Variants in NSMCE2 observed in about 807,000 individuals in gnomAD.
NSMCE2 encodes the protein NSE2 SUMO ligase component of SMC5/6 complex.
A neutral mutation model predicts 23.8 loss-of-function variants in NSMCE2; 24 were observed. The observed-to-expected ratio is 1.01, with a 90% confidence interval of 0.73 to 1.42. NSMCE2 has a LOEUF of 1.42. Ranked by LOEUF, NSMCE2 falls within the 40% of genes most tolerant of loss-of-function variation. The probability of loss-of-function intolerance (pLI) is 0.00; values close to 1 mark genes in which losing one functional copy is unlikely to be tolerated. For missense variants in NSMCE2, 284 were observed against 296.5 expected (o/e 0.96, Z 0.31); for synonymous variants, 92 against 94.1 (o/e 0.98, Z 0.13).
rs192164261 is a variant in NSMCE2, at chr8:125,246,451, G to A, written c.418+64195G>A. Among the ~76,000 whole-genome samples, 16 of 152,200 alleles carry A rather than the reference G, an allele frequency of 1.1e-4. No homozygotes were observed. In the East Asian group the frequency reaches 3.1e-3, roughly 29 times the overall value. Reference sequence around the variant, plus strand: ...CCCGCCTCCTCCTCCCAAAGTGCTAGGATTACAGGTGTGAGCCACCATGCC... The same window carrying A: ...CCCGCCTCCTCCTCCCAAAGTGCTAAGATTACAGGTGTGAGCCACCATGCC... On this transcript the variant is annotated intron_variant, in intron 5 of 7. Coordinates refer to ENST00000287437, the MANE Select transcript of NSMCE2 (RefSeq NM_173685.4).
chr8:125,186,938 G>A (rs1823134448), intron 5 of NSMCE2, among the ~76,000 whole-genome samples: 2 of 152,110 alleles, frequency 1.3e-5, no homozygotes, highest in Admixed American at 1.3e-4. Context: ...ATATTACTAG[G>A]CATTAGATAT....
At chr8:125,130,386 T>G (rs1018100985) in intron 3 of NSMCE2, 9 of 400,216 alleles carry the variant, frequency 2.2e-5, no homozygotes, top group African/African-American at 1.9e-4. Context: ...CTCTACATAC[T>G]GTTTTTTGGA....
chr8:125,256,364 G>A (rs1826414506), intron 5 of NSMCE2, among the ~76,000 whole-genome samples: 1 of 151,980 alleles, frequency 6.6e-6, no homozygotes, highest in Non-Finnish European at 1.5e-5. Context: ...TTAGGTGAAA[G>A]CTAGATGCCA....
chr8:125,271,269 A>G (rs1332309722), intron 5 of NSMCE2, among the ~76,000 whole-genome samples: 1 of 151,972 alleles, frequency 6.6e-6, no homozygotes, highest in Non-Finnish European at 1.5e-5. Flanking sequence ...TCAAAAAAAA[A>G]AAAAAAGTAT....
At chr8:125,308,807 C>A (rs1828858283) in intron 5 of NSMCE2, among the ~76,000 whole-genome samples, 2 of 152,270 alleles carry the variant, frequency 1.3e-5, no homozygotes, top group South Asian at 4.1e-4. Flanking sequence ...TGAAATCTGC[C>A]CCAGCTCAAG....
At chr8:125,219,553 A>C (rs1824755705) in intron 5 of NSMCE2, among the ~76,000 whole-genome samples, 1 of 152,180 alleles carries the variant, frequency 6.6e-6, no homozygotes, top group Non-Finnish European at 1.5e-5. Context: ...CTCTGAACAC[A>C]TTTCATTCTT....
chr8:125,311,423 A>G (rs1828969169), intron 5 of NSMCE2, among the ~76,000 whole-genome samples: 1 of 152,260 alleles, frequency 6.6e-6, no homozygotes, highest in Non-Finnish European at 1.5e-5. Context: ...TTGGACTTTC[A>G]AAAACATAGA....
chr8:125,203,696 A>T (rs1447650939), intron 5 of NSMCE2, among the ~76,000 whole-genome samples: 14 of 152,152 alleles, frequency 9.2e-5, no homozygotes, highest in Admixed American at 9.2e-4. Flanking sequence ...TAAGTAAGTA[A>T]TTGATGTCTT....
Position 125,202,985 on chromosome 8 carries a change from G to A in NSMCE2, c.418+20729G>A, listed in dbSNP as rs149086109. On this transcript the variant is annotated intron_variant, in intron 5 of 7. Transcript: ENST00000287437. ...TCTTGATAGGAAGACAGAAACTGAA[G>A]TGTCAGGAATTGCTGTATTCACCAT... 3.1e-3 allele frequency among the ~76,000 whole-genome samples: 471 copies of A among 152,288 alleles called. 3 individuals are homozygous for A. The highest frequency in any genetic ancestry group is 0.011 in the African/African-American group (452 of 41,552).
At chr8:125,128,875 T>C (rs1228167570) in intron 3 of NSMCE2, among the ~76,000 whole-genome samples, 1 of 152,190 alleles carries the variant, frequency 6.6e-6, no homozygotes, top group Non-Finnish European at 1.5e-5. Context: ...CTGGATTCTC[T>C]CCCCACTGCA....
chr8:125,180,895 T>C (rs563211863), intron 4 of NSMCE2, among the ~76,000 whole-genome samples: 193 of 152,354 alleles, frequency 1.3e-3, no homozygotes, highest in Middle Eastern at 0.01. Flanking sequence ...TACTGTGTGC[T>C]GGGCACTGGT....
chr8:125,149,061 T>G (rs1422804544), intron 3 of NSMCE2, among the ~76,000 whole-genome samples: 1 of 152,210 alleles, frequency 6.6e-6, no homozygotes, highest in Non-Finnish European at 1.5e-5. Flanking sequence ...AAACTGTGAC[T>G]CTAATAGTCT....
At chr8:125,229,182 C>T (rs1388748067) in intron 5 of NSMCE2, among the ~76,000 whole-genome samples, 1 of 152,066 alleles carries the variant, frequency 6.6e-6, no homozygotes, top group African/African-American at 2.4e-5. Context: ...CCAAGCAAGA[C>T]ATGGAGAACC....
chr8:125,216,657 A>G (rs549553625), intron 5 of NSMCE2, among the ~76,000 whole-genome samples: 197 of 150,686 alleles, frequency 1.3e-3, no homozygotes, highest in African/African-American at 4.4e-3. Flanking sequence ...AAAATGGTCT[A>G]TGGGTTTTGG....
chr8:125,306,666 A>G (rs151124259), intron 5 of NSMCE2, among the ~76,000 whole-genome samples: 42 of 152,334 alleles, frequency 2.8e-4, no homozygotes, highest in Middle Eastern at 3.4e-3. Flanking sequence ...TTCATATTGC[A>G]CAGTGAATAA....
chr8:125,272,812 CGT>C (rs1827277844), intron 5 of NSMCE2, among the ~76,000 whole-genome samples: 1 of 130,326 alleles, frequency 7.7e-6, no homozygotes, highest in African/African-American at 3.1e-5. Context: ...TATACACACA[CGT>C]ATATATATAC....
intron 3 of NSMCE2, chr8:125,123,995 C>G (rs927995073): frequency 6.6e-6 from 1 of 152,150 alleles, no homozygotes; most frequent in Non-Finnish European, 1.5e-5. Context: ...AATTTTAGAA[C>G]ATTTTCATCA....
intron 3 of NSMCE2, among the ~76,000 whole-genome samples, chr8:125,108,998 A>G (rs1216232424): frequency 6.6e-6 from 1 of 152,250 alleles, no homozygotes; most frequent in African/African-American, 2.4e-5. Context: ...TGTCCACAGC[A>G]GTACTGAGGA....
chr8:125,176,882 T>A (rs954563446), intron 4 of NSMCE2, among the ~76,000 whole-genome samples: 2 of 152,214 alleles, frequency 1.3e-5, no homozygotes, highest in Admixed American at 6.5e-5. Context: ...CTTCACACAG[T>A]CCTCACCACT....
Sources: allele counts gnomAD v4.1 joint callset (sites outside exome capture counted in the v4.1 genomes callset), GRCh38; gene constraint gnomAD v4.1.1; transcripts MANE v1.5; gene names NCBI Gene and HGNC (gene_info 2026-07-23, HGNC 2026-07-21).